The following PRSS23 variants were observed in gnomAD, a reference collection of about 807,000 sequenced individuals.
PRSS23 encodes serine protease 23.
Under a neutral mutation model 34.7 loss-of-function variants are expected in PRSS23, and 25 were observed. That is an observed-to-expected ratio of 0.72 (90% CI 0.53 to 1.01). PRSS23 has a LOEUF of 1.01. PRSS23 is among the 50% of genes least tolerant of loss of function. PRSS23 has a pLI of 0.00. For synonymous variants in PRSS23, 176 were observed against 186.6 expected, an observed-to-expected ratio of 0.94 and a Z score of 0.46; for missense variants, 445 against 475.6, an observed-to-expected ratio of 0.94 and a Z score of 0.60.
At chr11:86,879,849 C>T (rs1391878989) in intron 2 of PRSS23, among the ~76,000 whole-genome samples, 2 of 144,082 alleles carry the variant, frequency 1.4e-5, no homozygotes, top group African/African-American at 5.1e-5. Flanking sequence ...GCCCGGCCAG[C>T]CGCCCCGTCC....
chr11:86,945,285 TG>T (rs1399110773), intron 2 of PRSS23, among the ~76,000 whole-genome samples: 7 of 149,104 alleles, frequency 4.7e-5, no homozygotes, highest in Admixed American at 2.7e-4. Context: ...CTAGCAATGA[TG>T]GGAAAACTCT....
rs1245046959 is a variant in PRSS23, at chr11:86,819,144, G to A, written c.-11-4233G>A. Among the ~76,000 whole-genome samples the A allele has an allele frequency of 2.6e-5, 4 of 152,098 alleles. No individual in the cohort carries two copies. The East Asian group carries it at 7.7e-4, about 29-fold the overall frequency. The stretch of plus-strand genomic sequence containing the variant: ...ACCCAGACTTCTTGGCTCCTTTTGG[G>A]TAGCTAAGGCTATGACTCGCTGGCC... On this transcript the variant is annotated intron_variant, in intron 1 of 2. Transcript: ENST00000533902.
chr11:86,935,042 A>G (rs1949152021), intron 2 of PRSS23: 1 of 152,250 alleles, frequency 6.6e-6, no homozygotes. Context: ...ATTGCAATTC[A>G]GCAAGCAATA....
chr11:86,878,252 CGTCTCCCTCTCCCCACG>C (rs1948739383), intron 2 of PRSS23, among the ~76,000 whole-genome samples: 1 of 147,080 alleles, frequency 6.8e-6, no homozygotes, highest in Non-Finnish European at 1.5e-5. Flanking sequence ...CCCTCATCTC[CGTCTCCCTCTCCCCACG>C]GTCTCCCTCT....
At chr11:86,881,945 G>A (rs1267637957) in intron 2 of PRSS23, among the ~76,000 whole-genome samples, 2 of 152,070 alleles carry the variant, frequency 1.3e-5, no homozygotes, top group African/African-American at 2.4e-5. Context: ...CAGTAGTAAT[G>A]TCCCCTCTTT....
At chr11:86,800,944 CAG>C (rs1339554301) in intron 1 of PRSS23, among the ~76,000 whole-genome samples, 22 of 152,124 alleles carry the variant, frequency 1.4e-4, no homozygotes, top group Admixed American at 1.2e-3. Context: ...GGTTGGGAAG[CAG>C]AGAGAGCCGG....
At chr11:86,881,901 T>C (rs1948774527) in intron 2 of PRSS23, among the ~76,000 whole-genome samples, 1 of 152,194 alleles carries the variant, frequency 6.6e-6, no homozygotes, top group Non-Finnish European at 1.5e-5. Flanking sequence ...TTGTTCATAG[T>C]ATTCCCTTGT....
intron 2 of PRSS23, among the ~76,000 whole-genome samples, chr11:86,880,442 T>TA (rs999545986): frequency 1.1e-4 from 17 of 147,990 alleles, no homozygotes; most frequent in Non-Finnish European, 2.1e-4. Context: ...GAATGATCAA[T>TA]AAAAAAAATA....
intron 2 of PRSS23, among the ~76,000 whole-genome samples, chr11:86,842,567 C>A (rs1948456678): frequency 1.3e-5 from 2 of 152,192 alleles, no homozygotes; most frequent in Non-Finnish European, 2.9e-5. Flanking sequence ...AGCTGACAAG[C>A]AACTTCAGCA....
chr11:86,869,524 AC>A (rs762333852), intron 2 of PRSS23, among the ~76,000 whole-genome samples: 1 of 152,188 alleles, frequency 6.6e-6, no homozygotes, highest in East Asian at 1.9e-4. Context: ...CATGGTAAGT[AC>A]TAGAAATGGC....
chr11:86,808,776 T>G lies in PRSS23; in HGVS notation c.1133T>G (p.Leu378Arg). The change falls in exon 2 of 2, where the codon CTG (leucine) becomes CGG (arginine). Residue 378 changes from leucine to arginine, a missense_variant. Coordinates refer to ENST00000280258, the MANE Select transcript of PRSS23 (RefSeq NM_007173.6). ...TGCTATTGGATTAAAGGAAACTACC[T>G]GGATTGTAGGGAGGGGTGACACAGT... is the stretch of plus-strand genomic sequence containing the variant. Reference protein sequence around the residue: ...QICYWIKGNYLDCREG With the variant: ...QICYWIKGNYRDCREG The G allele has an allele frequency of 6.2e-7, 1 of 1,609,760 alleles. No individual in the cohort carries two copies. The highest frequency in any genetic ancestry group is 8.5e-7 in the Non-Finnish European group (1 of 1,177,058).
At chr11:86,903,356 T>C (rs34930185) in intron 2 of PRSS23, among the ~76,000 whole-genome samples, 1 of 152,178 alleles carries the variant, frequency 6.6e-6, no homozygotes, top group Non-Finnish European at 1.5e-5. Flanking sequence ...TGCATAATGG[T>C]TCATACCCCA....
At chr11:86,887,488 A>G (rs1948810743) in intron 2 of PRSS23, among the ~76,000 whole-genome samples, 1 of 152,172 alleles carries the variant, frequency 6.6e-6, no homozygotes, top group Admixed American at 6.5e-5. Context: ...TTTCACAGTG[A>G]ATGTGAGGGA....
chr11:86,857,236 A>G (rs1255797155), intron 2 of PRSS23: 5 of 376,410 alleles, frequency 1.3e-5, no homozygotes, highest in Non-Finnish European at 2.2e-5. Context: ...GTACACGCCA[A>G]TGCCTGTTTC....
chr11:86,847,458 G>A (rs757465853), intron 2 of PRSS23, among the ~76,000 whole-genome samples: 1 of 152,138 alleles, frequency 6.6e-6, no homozygotes, highest in Non-Finnish European at 1.5e-5. Context: ...AGTAAGCATG[G>A]TTAAATCTGG....
chr11:86,791,392 G>T (rs1428904444), intron 1 of PRSS23, among the ~76,000 whole-genome samples: 1 of 152,210 alleles, frequency 6.6e-6, no homozygotes, highest in African/African-American at 2.4e-5. Context: ...GGAGCCAGGT[G>T]ATCCTGTGTT....
chr11:86,861,264 G>A (rs1467500164), intron 2 of PRSS23, among the ~76,000 whole-genome samples: 2 of 149,656 alleles, frequency 1.3e-5, no homozygotes, highest in African/African-American at 4.9e-5. Context: ...TCAATGTCGC[G>A]GGGGGTGTCC....
intron 1 of PRSS23, among the ~76,000 whole-genome samples, chr11:86,806,366 G>A (rs889617751): frequency 3.9e-5 from 6 of 152,130 alleles, no homozygotes; most frequent in African/African-American, 7.2e-5. Context: ...GAAACATCAG[G>A]TGATGCCTGG....
At position 86,879,153 on chromosome 11, in the gene PRSS23, G is replaced by C. The variant is rs528999634; in HGVS notation, c.206+55560G>C. On this transcript the variant is annotated intron_variant, in intron 2 of 2. Coordinates refer to the PRSS23 transcript ENST00000533902. ...AGGAAGTGAGGAGCGCCTCTTCCCG[G>C]CCGCCATCCCATCTAGGAAGTGAGG... Among the ~76,000 whole-genome samples the C allele has an allele frequency of 7.1e-3, 1,057 of 147,978 alleles. 53 individuals are homozygous for C. Among genetic ancestry groups the C allele is most frequent in the African/African-American group, 0.025 (950 of 38,694 alleles).
Sources: gnomAD v4.1 joint callset for allele counts (sites outside exome capture counted in the v4.1 genomes callset) on GRCh38, gnomAD v4.1.1 for gene constraint, MANE v1.5 for transcripts, NCBI Gene and HGNC (gene_info 2026-07-23, HGNC 2026-07-21) for gene names.